Variants in BCAS3 observed in about 807,000 individuals in gnomAD.
The protein encoded by BCAS3 is BCAS4/BCAS3 fusion.
In BCAS3, 53 loss-of-function variants were observed where a neutral mutation model predicts 116.1. The observed-to-expected ratio is 0.46, with a 90% CI of 0.37 to 0.57. BCAS3 has a LOEUF of 0.57. BCAS3 is among the 20% of genes least tolerant of loss of function. The pLI is 0.00. For missense variants in BCAS3, 917 were observed against 1,165.4 expected (o/e 0.79, Z 3.10); for synonymous variants, 391 against 408.2 (o/e 0.96, Z 0.51).
In BCAS3 at chr17:60,805,058, T is replaced by TAC. The variant is rs760769619; in HGVS notation, c.404-2929_404-2928dup. Among the ~76,000 whole-genome samples, 230 of 149,536 alleles carry TAC rather than the reference T, an allele frequency of 1.5e-3. 1 individual carries two copies. Among genetic ancestry groups the TAC allele is most frequent in the East Asian group, 0.01 (52 of 5,118 alleles). Reference sequence around the variant, plus strand: ...GTCTGACTTAGCATGCTTAAGTAAATACACACACACACACACACTCACACA... The same window carrying TAC: ...GTCTGACTTAGCATGCTTAAGTAAATACACACACACACACACACACTCACACA... On this transcript the variant is annotated intron_variant, in intron 6 of 23. Transcript: ENST00000407086.
chr17:61,344,280 C>T lies in BCAS3; in HGVS notation c.2426-24047C>T, dbSNP rs1389275673. Among the ~76,000 whole-genome samples, 3 of 152,132 alleles carry T rather than the reference C, an allele frequency of 2.0e-5. No homozygotes were observed. The highest frequency in any genetic ancestry group is 3.8e-4 in the East Asian group (2 of 5,198). ...AATCCCCTTGCTTTTAAAGAGCCAA[C>T]CTCTTACCAGTTGCTTCTCTTTTGT... On this transcript the variant is annotated intron_variant, in intron 22 of 23. Coordinates refer to ENST00000407086, the MANE Select transcript of BCAS3 (RefSeq NM_017679.5). The surrounding 1 kb of genome is among the most constrained non-coding windows in gnomAD (Gnocchi z 4.1).
At chr17:60,758,869 A>G (rs1430891496) in intron 6 of BCAS3, among the ~76,000 whole-genome samples, 1 of 152,100 alleles carries the variant, frequency 6.6e-6, no homozygotes, top group Non-Finnish European at 1.5e-5. Flanking sequence ...TAATTTCTTC[A>G]TTGACCCAGT....
intron 7 of BCAS3, among the ~76,000 whole-genome samples, chr17:60,844,013 A>G (rs1386429775): frequency 2.0e-5 from 3 of 152,184 alleles, no homozygotes; most frequent in Non-Finnish European, 4.4e-5. Context: ...CTTGTTGCCC[A>G]GTCTGGAATG....
chr17:60,841,546 A>ATTTTTTTTTTT lies in BCAS3; in HGVS notation c.477-27021_477-27011dup, dbSNP rs754447784. On this transcript the variant is annotated intron_variant, in intron 7 of 23. Transcript: ENST00000407086. ...AGGTGCCCGCCACCACACCTGGCTA[A>ATTTTTTTTTTT]TTTTTTTTTTTTTTTTTTTGTATTT... Among the ~76,000 whole-genome samples, 387 of 123,416 alleles carry ATTTTTTTTTTT rather than the reference A, an allele frequency of 3.1e-3. 5 individuals are homozygous for ATTTTTTTTTTT. Among genetic ancestry groups the ATTTTTTTTTTT allele is most frequent in the African/African-American group, 0.013 (373 of 28,658 alleles). The allele number at this position is 123,416 out of a possible 152,430, so 81.0% of individuals were successfully genotyped here.
intron 13 of BCAS3, among the ~76,000 whole-genome samples, chr17:60,933,540 G>A (rs1487456312): frequency 6.6e-6 from 1 of 152,134 alleles, no homozygotes; most frequent in Non-Finnish European, 1.5e-5. Flanking sequence ...TTAGATGCTT[G>A]GCTGCATCTT....
rs1158422615 is a variant in BCAS3 at position 61,388,786 on chromosome 17, A to T, written c.2594-3191A>T. ...ATGACTTGGAGGGGGGAATCTGAGC[A>T]GCCCTCCTCCCCTCCACTTCCCACA... On this transcript the variant is annotated intron_variant, in intron 23 of 23. Coordinates refer to ENST00000407086, the MANE Select transcript of BCAS3 (RefSeq NM_017679.5). The surrounding 1 kb of genome is among the most constrained non-coding windows in gnomAD (Gnocchi z 6.5). The T allele has an allele frequency of 9.9e-6, 13 of 1,318,352 alleles. No homozygotes were observed. Among genetic ancestry groups the T allele is most frequent in the Non-Finnish European group, 7.3e-6 (7 of 956,264 alleles). The allele number at this position is 1,318,352 out of a possible 1,614,324, so 81.7% of individuals were successfully genotyped here. A position where few individuals can be genotyped will look rare whatever the true frequency, so the allele number is the denominator to read the frequency against.
At chr17:60,772,544 G>A (rs2044823600) in intron 6 of BCAS3, among the ~76,000 whole-genome samples, 1 of 152,158 alleles carries the variant, frequency 6.6e-6, no homozygotes, top group Non-Finnish European at 1.5e-5. Context: ...TTGCTTTGCA[G>A]AAGCCAATTA....
chr17:61,251,581 A>G lies in BCAS3; in HGVS notation c.2426-116746A>G, dbSNP rs1739566522. ...GCGAAACTCCACCTCAAAAAAAAAA[A>G]AAAGAAAAGAAAGACTGGATCCTGG... On this transcript the variant is annotated intron_variant, in intron 22 of 23. Transcript: ENST00000407086. This position sits in a 1 kb window ranked among gnomAD's most constrained non-coding sequence, Gnocchi z 4.7. Among the ~76,000 whole-genome samples the G allele has an allele frequency of 6.6e-6, 1 of 152,024 alleles. No homozygotes were observed. The highest frequency in any genetic ancestry group is 2.1e-4 in the South Asian group (1 of 4,828).
rs1347718074 is a variant in BCAS3 at position 61,204,877 on chromosome 17, C to T, written c.2425+120313C>T. 6.6e-6 allele frequency among the ~76,000 whole-genome samples: 1 copy of T among 152,174 alleles called. No homozygotes were observed. Among genetic ancestry groups the T allele is most frequent in the African/African-American group, 2.4e-5 (1 of 41,440 alleles). On this transcript the variant is annotated intron_variant, in intron 22 of 23. Coordinates refer to ENST00000407086, the MANE Select transcript of BCAS3 (RefSeq NM_017679.5). This position sits in a 1 kb window ranked among gnomAD's most constrained non-coding sequence, Gnocchi z 4.2. ...GACCAGCCTGGGCAACAGGGCAAAA[C>T]ACCTTCTCAACAAAAAATATAGAAA... is the stretch of plus-strand genomic sequence containing the variant.
At chr17:61,280,890 C>T (rs2051184372) in intron 22 of BCAS3, among the ~76,000 whole-genome samples, 1 of 152,154 alleles carries the variant, frequency 6.6e-6, no homozygotes, top group Non-Finnish European at 1.5e-5. Context: ...CTTTCTCCAA[C>T]AAGTCCCAAC....
chr17:61,041,665 C>T lies in BCAS3; in HGVS notation c.2029+773C>T, dbSNP rs575256380. 2.6e-5 allele frequency among the ~76,000 whole-genome samples: 4 copies of T among 151,968 alleles called. No individual in the cohort carries two copies. The highest frequency in any genetic ancestry group is 6.6e-5 in the Admixed American group (1 of 15,258). On this transcript the variant is annotated intron_variant, in intron 19 of 23. Transcript: ENST00000407086. The surrounding 1 kb of genome is among the most constrained non-coding windows in gnomAD (Gnocchi z 4.7). ...GTTGTATTTAACACATTGTCTTGCCCGGTATATTAGAAAGCATGAATTAAA... is the reference window on the plus strand; with the variant it reads ...GTTGTATTTAACACATTGTCTTGCCTGGTATATTAGAAAGCATGAATTAAA...
At chr17:61,173,117 A>G (rs2078949413) in intron 22 of BCAS3, among the ~76,000 whole-genome samples, 1 of 152,156 alleles carries the variant, frequency 6.6e-6, no homozygotes, top group African/African-American at 2.4e-5. Flanking sequence ...TAGCACATCT[A>G]AATAACTCAT....
At position 60,692,241 on chromosome 17, in the gene BCAS3, T is replaced by C. The variant is rs114863913; in HGVS notation, c.214+2480T>C. Among the ~76,000 whole-genome samples the C allele has an allele frequency of 2.2e-3, 336 of 152,080 alleles. 1 individual carries two copies. The highest frequency in any genetic ancestry group is 7.6e-3 in the African/African-American group (315 of 41,508). Reference sequence around the variant, plus strand: ...AGGGAACTTTATTTTATTTTATTGATATATTTATTTATTTTTGAGATGGAG... The same window carrying C: ...AGGGAACTTTATTTTATTTTATTGACATATTTATTTATTTTTGAGATGGAG... On this transcript the variant is annotated intron_variant, in intron 4 of 23. Transcript: ENST00000407086.
chr17:60,846,091 A>G (rs1184787531), intron 7 of BCAS3, among the ~76,000 whole-genome samples: 1 of 151,500 alleles, frequency 6.6e-6, no homozygotes, highest in Admixed American at 6.6e-5. Flanking sequence ...ACCATGCCCA[A>G]TTAATTTTTA....
At position 61,387,499 on chromosome 17, in the gene BCAS3, A is replaced by G. The variant is rs1440327548; in HGVS notation, c.2594-4478A>G. On this transcript the variant is annotated intron_variant, in intron 23 of 23. Coordinates refer to ENST00000407086, the MANE Select transcript of BCAS3 (RefSeq NM_017679.5). The surrounding 1 kb of genome is among the most constrained non-coding windows in gnomAD (Gnocchi z 6.2). ...CTTGCTTTTTTTTCACCCTGAGAAC[A>G]GTAGTGCCAAGGATCCGGCTGTCTC... 3.3e-5 allele frequency among the ~76,000 whole-genome samples: 5 copies of G among 152,124 alleles called. No individual in the cohort carries two copies. The East Asian group carries it at 9.6e-4, about 29-fold the overall frequency.
At chr17:60,878,290 A>G (rs2055806739) in intron 9 of BCAS3, among the ~76,000 whole-genome samples, 1 of 152,144 alleles carries the variant, frequency 6.6e-6, no homozygotes, top group Non-Finnish European at 1.5e-5. Context: ...AATTACAGGC[A>G]TGAGCCTCCA....
In BCAS3 at chr17:61,229,408, C is replaced by A. The variant is rs547150650; in HGVS notation, c.2426-138919C>A. 8.5e-5 allele frequency among the ~76,000 whole-genome samples: 13 copies of A among 152,334 alleles called. No individual in the cohort carries two copies. Among genetic ancestry groups the A allele is most frequent in the African/African-American group, 2.6e-4 (11 of 41,586 alleles). Reference sequence around the variant, plus strand: ...GTTATCTAGAAGATCTAGCCAAGATCATTGATGAAGGTGGCTATGCTAAAC... The same window carrying A: ...GTTATCTAGAAGATCTAGCCAAGATAATTGATGAAGGTGGCTATGCTAAAC... On this transcript the variant is annotated intron_variant, in intron 22 of 23. Coordinates refer to ENST00000407086, the MANE Select transcript of BCAS3 (RefSeq NM_017679.5). The surrounding 1 kb of genome is among the most constrained non-coding windows in gnomAD (Gnocchi z 4.4).
chr17:60,921,599 C>T (rs1014477877), intron 12 of BCAS3, among the ~76,000 whole-genome samples: 2 of 129,246 alleles, frequency 1.5e-5, no homozygotes, highest in African/African-American at 5.8e-5. Flanking sequence ...GGCGACAGAG[C>T]GAGACTCCGT....
chr17:61,129,279 C>T (rs932913119), intron 22 of BCAS3, among the ~76,000 whole-genome samples: 4 of 152,098 alleles, frequency 2.6e-5, no homozygotes, highest in African/African-American at 4.8e-5. Flanking sequence ...TAATGAATTT[C>T]TTTGTTGTTG....
Sources: gnomAD v4.1 joint callset for allele counts (sites outside exome capture counted in the v4.1 genomes callset) on GRCh38, gnomAD v4.1.1 for gene constraint, Gnocchi (gnomAD v3.1) non-coding constraint, MANE v1.5 for transcripts, NCBI Gene and HGNC (gene_info 2026-07-23, HGNC 2026-07-21) for gene names.